Variants in SLC16A12 observed in about 807,000 individuals in gnomAD.
SLC16A12 encodes the protein monocarboxylate transporter 12.
A neutral mutation model predicts 42.4 loss-of-function variants in SLC16A12; 17 were observed. The observed-to-expected ratio is 0.40, with a 90% confidence interval of 0.27 to 0.60. The LOEUF is 0.60. Ranked by LOEUF, SLC16A12 falls within the 20% of genes least tolerant of loss-of-function variation. The pLI, the probability that SLC16A12 is intolerant of heterozygous loss-of-function variation, is 0.42. For synonymous variants in SLC16A12, 224 were observed against 229.4 expected, an observed-to-expected ratio of 0.98 and a Z score of 0.21; for missense variants, 544 against 623.0, an observed-to-expected ratio of 0.87 and a Z score of 1.35.
intron 2 of SLC16A12, among the ~76,000 whole-genome samples, chr10:89,493,430 T>C (rs1218456206): frequency 6.6e-6 from 1 of 152,094 alleles, no homozygotes; most frequent in Non-Finnish European, 1.5e-5. Context: ...TCCATGGCGG[T>C]CAGGCTGGTC....
intron 5 of SLC16A12, among the ~76,000 whole-genome samples, chr10:89,439,556 C>T (rs905549038): frequency 2.0e-5 from 3 of 152,194 alleles, no homozygotes; most frequent in South Asian, 2.1e-4. Flanking sequence ...ATTCCCTAAA[C>T]GCTTCACTGC....
chr10:89,538,094 A>G (rs1301611079), upstream of SLC16A12, among the ~76,000 whole-genome samples: 2 of 152,250 alleles, frequency 1.3e-5, no homozygotes, highest in African/African-American at 4.8e-5. Flanking sequence ...GCAGCATGGA[A>G]GTGGAGAAAG....
At chr10:89,524,940 G>A (rs1589726555) in intron 2 of SLC16A12, among the ~76,000 whole-genome samples, 1 of 152,132 alleles carries the variant, frequency 6.6e-6, no homozygotes, top group South Asian at 2.1e-4. Context: ...AACTGAGGCC[G>A]GGAGCAGTGG....
rs1197459279 is a variant in SLC16A12 at position 89,433,094 on chromosome 10, A to T, written c.1521T>A (p.Ala507=). Residue 507 remains alanine, a synonymous_variant, in exon 8 of 8, where the codon GCT becomes GCA. Transcript: ENST00000371790. ...ELDQKHGEPV[A]TAVPGYSLT is the part of the protein sequence containing the mutation. ...TGAGGCTGTAGCCAGGCACTGCTGT[A>T]GCCACAGGCTCCCCATGTTTCTGAT... The T allele has an allele frequency of 6.2e-7, 1 of 1,614,084 alleles. No homozygotes were observed. The highest frequency in any genetic ancestry group is 1.3e-5 in the African/African-American group (1 of 74,938).
chr10:89,461,482 C>T (rs1190961276), intron 3 of SLC16A12, among the ~76,000 whole-genome samples: 1 of 152,182 alleles, frequency 6.6e-6, no homozygotes, highest in African/African-American at 2.4e-5. Context: ...GTAAGATTAA[C>T]TCTGTGTGAT....
At chr10:89,532,826 A>G (rs1843577731) in intron 2 of SLC16A12, among the ~76,000 whole-genome samples, 1 of 152,254 alleles carries the variant, frequency 6.6e-6, no homozygotes, top group Non-Finnish European at 1.5e-5. Flanking sequence ...ATGAATATGG[A>G]GGAAAGTGGG....
At chr10:89,501,972 T>C (rs886839398) in intron 2 of SLC16A12, among the ~76,000 whole-genome samples, 19 of 152,144 alleles carry the variant, frequency 1.2e-4, no homozygotes, top group Non-Finnish European at 2.4e-4. Flanking sequence ...TAAATACCTA[T>C]ACCTGTCAAA....
chr10:89,443,741 GT>G lies in SLC16A12; in HGVS notation c.304+14del, dbSNP rs1261516317. 6.4e-7 allele frequency: 1 copy of G among 1,565,686 alleles called. No individual in the cohort carries two copies. The highest frequency in any genetic ancestry group is 1.1e-5 in the South Asian group (1 of 90,082). ...GAGTGGCCAGTAATTCCCTATCCTA[GT>G]AAGTAATACTCACCACAGAGCATGG... On this transcript the variant is annotated intron_variant, in intron 4 of 7. Transcript: ENST00000371790.
At chr10:89,537,362 T>G (rs1276104911), upstream of SLC16A12, among the ~76,000 whole-genome samples, 1 of 151,990 alleles carries the variant, frequency 6.6e-6, no homozygotes, top group Non-Finnish European at 1.5e-5. Context: ...TTAAATAGTC[T>G]AGTATAGTCC....
At chr10:89,537,577 G>A (rs899324756), upstream of SLC16A12, among the ~76,000 whole-genome samples, 2 of 152,174 alleles carry the variant, frequency 1.3e-5, no homozygotes, top group Non-Finnish European at 2.9e-5. Context: ...CATTGAAAAT[G>A]AACCTGTAAA....
chr10:89,516,469 G>C (rs1431558412), intron 2 of SLC16A12, among the ~76,000 whole-genome samples: 1 of 152,190 alleles, frequency 6.6e-6, no homozygotes, highest in African/African-American at 2.4e-5. Context: ...CTCTCTCTGT[G>C]ATCTTGTTTC....
rs547015165 is a variant in SLC16A12, at chr10:89,438,309, G to A, written c.1028+295C>T. Among the ~76,000 whole-genome samples the A allele has an allele frequency of 9.2e-5, 14 of 152,312 alleles. 1 individual carries two copies. The South Asian group carries it at 2.3e-3, about 25-fold the overall frequency. ...AGTGTGCATAAAGTCTTATTGGAAC[G>A]TAGCCACTCTCTTTTGTTTACATAT... On this transcript the variant is annotated intron_variant, in intron 6 of 7. Coordinates refer to ENST00000371790, the MANE Select transcript of SLC16A12 (RefSeq NM_213606.4).
At chr10:89,552,837 C>G (rs1415624791) in intron 2 of SLC16A12, among the ~76,000 whole-genome samples, 1 of 152,106 alleles carries the variant, frequency 6.6e-6, no homozygotes, top group Non-Finnish European at 1.5e-5. Flanking sequence ...AGTTTTACAC[C>G]GGAATTAGCC....
At chr10:89,478,091 C>A (rs754997498) in intron 2 of SLC16A12, among the ~76,000 whole-genome samples, 5 of 152,100 alleles carry the variant, frequency 3.3e-5, no homozygotes, top group African/African-American at 1.2e-4. Context: ...TCAAGTAGAA[C>A]TTAATAAAGG....
At chr10:89,538,610 T>G (rs1199184165), upstream of SLC16A12, among the ~76,000 whole-genome samples, 1 of 152,218 alleles carries the variant, frequency 6.6e-6, no homozygotes, top group African/African-American at 2.4e-5. Flanking sequence ...TAGTCAGAAC[T>G]TCATCTGTCT....
chr10:89,492,623 G>A (rs1045865280), intron 2 of SLC16A12, among the ~76,000 whole-genome samples: 2 of 152,056 alleles, frequency 1.3e-5, no homozygotes, highest in African/African-American at 4.8e-5. Flanking sequence ...ACAAGAGTGC[G>A]ATGGTGCCGA....
chr10:89,488,891 A>G (rs1399830431), intron 2 of SLC16A12, among the ~76,000 whole-genome samples: 3 of 152,228 alleles, frequency 2.0e-5, no homozygotes, highest in Non-Finnish European at 2.9e-5. Context: ...CAAGAGTCAA[A>G]AAGAAAACTG....
intron 2 of SLC16A12, among the ~76,000 whole-genome samples, chr10:89,469,696 T>A (rs921708259): frequency 2.0e-5 from 3 of 152,192 alleles, no homozygotes; most frequent in Non-Finnish European, 4.4e-5. Flanking sequence ...ATACCAAGGG[T>A]GGGCATTTGG....
chr10:89,532,258 T>C (rs1843567094), intron 2 of SLC16A12, among the ~76,000 whole-genome samples: 1 of 152,100 alleles, frequency 6.6e-6, no homozygotes, highest in Non-Finnish European at 1.5e-5. Context: ...AGGAAGGATA[T>C]GTATCTGATG....
Sources: allele counts gnomAD v4.1 joint callset (sites outside exome capture counted in the v4.1 genomes callset), GRCh38; gene constraint gnomAD v4.1.1; transcripts MANE v1.5; gene names NCBI Gene and HGNC (gene_info 2026-07-23, HGNC 2026-07-21).